The following TPM3 variants were observed in gnomAD, a reference collection of about 807,000 sequenced individuals.
The protein encoded by TPM3 is tropomyosin 3.
In TPM3, 16 loss-of-function variants were observed where a neutral mutation model predicts 43.1. That is an observed-to-expected ratio of 0.37 (90% CI 0.25 to 0.56). TPM3 has a LOEUF of 0.56. Ranked by LOEUF, TPM3 falls within the 20% of genes least tolerant of loss-of-function variation. The probability of loss-of-function intolerance (pLI) is 0.77; values close to 1 mark genes in which losing one functional copy is unlikely to be tolerated. For synonymous variants in TPM3, 101 were observed against 116.9 expected (o/e 0.86, Z 0.88); for missense variants, 176 against 337.2 (o/e 0.52, Z 3.74).
rs560138325 is a variant in TPM3 at position 154,164,510 on chromosome 1, A to G, written c.*3427T>C. On this transcript the variant is annotated 3_prime_UTR_variant, in exon 10 of 10. Transcript: ENST00000651641. ...ATCCTTGTCTTTCCTCCTCACATCA[A>G]GTGGCCAGGCCTTTCACAATGCCTG... Among the ~76,000 whole-genome samples, 38 of 152,218 alleles carry G rather than the reference A, an allele frequency of 2.5e-4. No homozygotes were observed. Among genetic ancestry groups the G allele is most frequent in the Admixed American group, 2.1e-3 (32 of 15,284 alleles).
intron 2 of TPM3, among the ~76,000 whole-genome samples, chr1:154,186,541 TC>T (rs1663418110): frequency 6.6e-6 from 1 of 151,436 alleles, no homozygotes; most frequent in African/African-American, 2.5e-5. Flanking sequence ...GTCCCTTCTC[TC>T]CCCATCCTTC....
chr1:154,171,369 G>C, intron 6 of TPM3, 44 bp downstream of exon 6: 4 of 1,607,142 alleles, frequency 2.5e-6, no homozygotes, highest in Admixed American at 1.7e-5. Context: ...GGCAGGGCTG[G>C]GCCCAGGCCC....
downstream of TPM3, chr1:154,157,341 A>T: frequency 2.0e-6 from 1 of 499,042 alleles, no homozygotes; most frequent in Non-Finnish European, 3.7e-6. Context: ...AAAACAACAA[A>T]AAAGGTAATT....
At position 154,191,974 on chromosome 1, in the gene TPM3, G is replaced by A; in HGVS notation, c.45C>T (p.Asp15=). 2 of 1,613,914 alleles carry A rather than the reference G, an allele frequency of 1.2e-6. No homozygotes were observed. The highest frequency in any genetic ancestry group is 1.1e-5 in the South Asian group (1 of 91,082). The change falls in exon 1 of 10, where the codon GAC becomes GAT. Residue 15 remains aspartate (D), a synonymous_variant. Transcript: ENST00000651641. ...IKKKMQMLKL[D]KENALDRAEQ... ...CTGCCCGATCCAGAGCATTCTCCTTGTCTAACTTCAGCATCTGCATCTTTT... is the reference window on the plus strand; with the variant it reads ...CTGCCCGATCCAGAGCATTCTCCTTATCTAACTTCAGCATCTGCATCTTTT...
rs1661026634 is a variant in TPM3, at chr1:154,166,756, A to G, written c.*1181T>C. ...GAATGCAGTGGCGCGATCTCCGCTC[A>G]CTGCAACCTCCGCCTCCCAGGTGCA... On this transcript the variant is annotated 3_prime_UTR_variant, in exon 10 of 10. Coordinates refer to ENST00000651641, the MANE Select transcript of TPM3 (RefSeq NM_152263.4). 4.1e-5 allele frequency: 38 copies of G among 933,082 alleles called. No individual in the cohort carries two copies. The highest frequency in any genetic ancestry group is 4.8e-5 in the Non-Finnish European group (38 of 783,862). 57.8% of individuals were successfully genotyped at this position (933,082 alleles called of 1,614,324 possible). A position where few individuals can be genotyped will look rare whatever the true frequency, so the allele number is the denominator to read the frequency against.
chr1:154,177,584 T>C (rs1425103618), intron 2 of TPM3, among the ~76,000 whole-genome samples: 1 of 152,152 alleles, frequency 6.6e-6, no homozygotes, highest in Non-Finnish European at 1.5e-5. Context: ...AAGAATTTAA[T>C]ATGCCCCGCA....
chr1:154,172,059 G>A (rs114065129), intron 5 of TPM3: 18 of 1,614,168 alleles, frequency 1.1e-5, no homozygotes, highest in Admixed American at 6.7e-5. Flanking sequence ...GACACTTCAG[G>A]TTCTGGTCCA....
intron 2 of TPM3, among the ~76,000 whole-genome samples, chr1:154,176,683 T>C (rs1030885469): frequency 6.7e-6 from 1 of 149,920 alleles, no homozygotes; most frequent in Non-Finnish European, 1.5e-5. Flanking sequence ...CAAGGTTTCT[T>C]AAAGAGGGTA....
chr1:154,166,492 C>T lies in TPM3; in HGVS notation c.*1445G>A, dbSNP rs1037695348. 2.3e-5 allele frequency: 24 copies of T among 1,033,822 alleles called. No homozygotes were observed. Among genetic ancestry groups the T allele is most frequent in the East Asian group, 1.0e-4 (2 of 19,086 alleles). The allele number at this position is 1,033,822 out of a possible 1,614,324, so 64.0% of individuals were successfully genotyped here. On this transcript the variant is annotated 3_prime_UTR_variant, in exon 10 of 10. Transcript: ENST00000651641. ...AGAACTCCTGGGCTCAAGCAATCCT[C>T]CTGCCTCAGCCTCCCAAGAAGCTAC... is the stretch of plus-strand genomic sequence containing the variant.
At chr1:154,171,696 C>A in intron 5 of TPM3, 1 of 649,424 alleles carries the variant, frequency 1.5e-6, no homozygotes. Context: ...TTCCTGGGCT[C>A]AAAAATGTTT....
chr1:154,188,015 TTG>T (rs1663484245), intron 2 of TPM3, among the ~76,000 whole-genome samples: 1 of 151,304 alleles, frequency 6.6e-6, no homozygotes, highest in South Asian at 2.1e-4. Context: ...GTTTGTTTGT[TTG>T]TTTTGTTTTG....
At chr1:154,180,461 A>G (rs1269063626) in intron 2 of TPM3, among the ~76,000 whole-genome samples, 2 of 152,216 alleles carry the variant, frequency 1.3e-5, no homozygotes, top group Non-Finnish European at 2.9e-5. Flanking sequence ...AGCAGCAGAA[A>G]GTCAAAAGAT....
At chr1:154,173,249 C>T (rs747841910) in intron 3 of TPM3, 48 bp from the exon 4 acceptor site, 10 of 1,493,148 alleles carry the variant, frequency 6.7e-6, no homozygotes, top group East Asian at 4.5e-5. Flanking sequence ...AGGAGTGTGT[C>T]GTCAGCTCCA....
rs139275722 is a variant in TPM3 at position 154,173,230 on chromosome 1, G to A, written c.378-29C>T. The A allele has an allele frequency of 3.6e-4, 569 of 1,587,754 alleles. 3 individuals are homozygous for A. The African/African-American group carries it at 6.2e-3, about 17-fold the overall frequency. ...CCAGAAATAGGACAAAAGCAATACT[G>A]ACACCCTGAGGAGTGTGTCGTCAGC... On this transcript the variant is annotated intron_variant, in intron 3 of 9. Coordinates refer to ENST00000651641, the MANE Select transcript of TPM3 (RefSeq NM_152263.4).
intron 2 of TPM3, chr1:154,178,076 G>C (rs923559741): frequency 4.0e-5 from 38 of 939,792 alleles, no homozygotes; most frequent in Non-Finnish European, 4.7e-5. Context: ...CAGGCTATCA[G>C]GCAAGACCTA....
In TPM3 at chr1:154,167,056, T is replaced by C. The variant is rs973490161; in HGVS notation, c.*881A>G. 1.3e-5 allele frequency among the ~76,000 whole-genome samples: 2 copies of C among 152,144 alleles called. No individual in the cohort carries two copies. The highest frequency in any genetic ancestry group is 4.8e-5 in the African/African-American group (2 of 41,410). On this transcript the variant is annotated 3_prime_UTR_variant, in exon 10 of 10. Transcript: ENST00000651641. ...CAAGGAAAATTTTACTAGCAGAAAT[T>C]TATGTATGTAATAAATCATTAGCCT...
In TPM3 at chr1:154,185,617, G is replaced by A. The variant is rs201101353; in HGVS notation, c.243+5569C>T. ...CCCAGCCACTCGGGAGGCTGAGGCA[G>A]GAGAATTGCTTGAACCCAGAAGGCA... On this transcript the variant is annotated intron_variant, in intron 2 of 9. Coordinates refer to ENST00000651641, the MANE Select transcript of TPM3 (RefSeq NM_152263.4). 4.7e-5 allele frequency among the ~76,000 whole-genome samples: 7 copies of A among 148,788 alleles called. 1 individual carries two copies. Among genetic ancestry groups the A allele is most frequent in the African/African-American group, 1.8e-4 (7 of 39,664 alleles).
At chr1:154,181,872 G>A (rs1341164864) in intron 2 of TPM3, among the ~76,000 whole-genome samples, 3 of 152,168 alleles carry the variant, frequency 2.0e-5, no homozygotes. Flanking sequence ...AATGAGCCGA[G>A]ATCATGCCAT....
intron 2 of TPM3, among the ~76,000 whole-genome samples, chr1:154,178,420 TCAGAGACCCCCTC>T (rs561229205): frequency 6.6e-6 from 1 of 152,328 alleles, no homozygotes; most frequent in Non-Finnish European, 1.5e-5. Context: ...AGAAAAAGCT[TCAGAGACCCCCTC>T]CAGGGTGGAG....
Sources: allele counts gnomAD v4.1 joint callset (sites outside exome capture counted in the v4.1 genomes callset), GRCh38; gene constraint gnomAD v4.1.1; transcripts MANE v1.5; gene names NCBI Gene and HGNC (gene_info 2026-07-23, HGNC 2026-07-21).